Variants in DLC1 observed in about 807,000 individuals in gnomAD.
The protein encoded by DLC1 is DLC1 Rho GTPase activating protein, also known as rho GTPase-activating protein 7.
Under a neutral mutation model 140.3 loss-of-function variants are expected in DLC1, and 54 were observed. The observed-to-expected ratio is 0.38, with a 90% confidence interval of 0.31 to 0.48. The LOEUF is 0.48. Among genes scored for constraint, DLC1 ranks in the 20% least tolerant of loss-of-function variants. The probability of loss-of-function intolerance (pLI) is 0.96; values close to 1 mark genes in which losing one functional copy is unlikely to be tolerated. For missense variants in DLC1, 2,536 were observed against 1,907.0 expected, an observed-to-expected ratio of 1.33 and a Z score of -6.14; for synonymous variants, 986 against 728.1, an observed-to-expected ratio of 1.35 and a Z score of -5.70.
chr8:13,122,423 C>T (rs999057280), intron 5 of DLC1, among the ~76,000 whole-genome samples: 4 of 151,982 alleles, frequency 2.6e-5, no homozygotes, highest in Admixed American at 2.6e-4. Context: ...CTTTTTAATT[C>T]ATTTGTATAT....
rs1027667848 is a variant in DLC1, at chr8:13,513,725, T to G, written c.-126+877A>C. Among the ~76,000 whole-genome samples, 19 of 152,336 alleles carry G rather than the reference T, an allele frequency of 1.2e-4. No homozygotes were observed. The East Asian group carries it at 2.1e-3, about 17-fold the overall frequency. On this transcript the variant is annotated intron_variant, in intron 1 of 17. Transcript: ENST00000276297. ...ACTTCTTTTCTAATATATTGTACATTTAAACATTTAAGATTACCTTGAAGA... is the reference window on the plus strand; with the variant it reads ...ACTTCTTTTCTAATATATTGTACATGTAAACATTTAAGATTACCTTGAAGA...
rs1290901883 is a variant in DLC1, at chr8:13,391,906, AAAG to A, written c.1314+1644_1314+1646del. Among the ~76,000 whole-genome samples the A allele has an allele frequency of 6.7e-3, 660 of 98,492 alleles. 7 individuals are homozygous for A. The highest frequency in any genetic ancestry group is 0.026 in the African/African-American group (598 of 23,140). The allele number at this position is 98,492 out of a possible 152,430, so 64.6% of individuals were successfully genotyped here. A position where few individuals can be genotyped will look rare whatever the true frequency, so the allele number is the denominator to read the frequency against. On this transcript the variant is annotated intron_variant, in intron 4 of 17. Coordinates refer to ENST00000276297, the MANE Select transcript of DLC1 (RefSeq NM_182643.3). ...CACACCTGTCCCCAATGTTGAAAAA[AAAG>A]AAAAAGCCAATGCATCAATGATTTT...
chr8:13,326,335 T>C (rs908781616), intron 4 of DLC1, among the ~76,000 whole-genome samples: 4 of 152,250 alleles, frequency 2.6e-5, no homozygotes, highest in Non-Finnish European at 5.9e-5. Flanking sequence ...TAGACCTATA[T>C]ACCTCAGCTG....
At chr8:13,555,615 C>T (rs905829430) in intron 1 of DLC1, among the ~76,000 whole-genome samples, 5 of 152,010 alleles carry the variant, frequency 3.3e-5, no homozygotes, top group Non-Finnish European at 7.4e-5. Flanking sequence ...CCTCTGCCTC[C>T]CAAGTAGCTG....
At chr8:13,335,790 A>G (rs761699129) in intron 4 of DLC1, among the ~76,000 whole-genome samples, 4 of 152,176 alleles carry the variant, frequency 2.6e-5, no homozygotes, top group Non-Finnish European at 1.5e-5. Context: ...GCATGGGTAT[A>G]TAAAGTCTGC....
intron 1 of DLC1, among the ~76,000 whole-genome samples, chr8:13,587,923 C>G (rs542461876): frequency 5.3e-4 from 80 of 152,036 alleles, no homozygotes; most frequent in African/African-American, 1.8e-3. Context: ...AGCAATACAT[C>G]CAATATGAAA....
chr8:13,238,564 G>C (rs1693329354), intron 5 of DLC1, among the ~76,000 whole-genome samples: 1 of 117,930 alleles, frequency 8.5e-6, no homozygotes, highest in Non-Finnish European at 1.7e-5. Flanking sequence ...CCTTTGCCCT[G>C]TGGGTGTGTG....
At chr8:13,584,040 G>A (rs1459664383) in intron 1 of DLC1, 1 of 152,604 alleles carries the variant, frequency 6.6e-6, no homozygotes, top group Non-Finnish European at 1.5e-5. Context: ...GTTGAGCACT[G>A]GTAGAAAGTG....
At position 13,435,648 on chromosome 8, in the gene DLC1, G is replaced by A. The variant is rs774201374; in HGVS notation, c.1024-34029C>T. Reference sequence around the variant, plus strand: ...TTCTTGTGGATAAACAAATAAAATGGTTCTTTCAGATGGCATCTACTCCTG... The same window carrying A: ...TTCTTGTGGATAAACAAATAAAATGATTCTTTCAGATGGCATCTACTCCTG... On this transcript the variant is annotated intron_variant, in intron 2 of 17. Coordinates refer to ENST00000276297, the MANE Select transcript of DLC1 (RefSeq NM_182643.3). 5.3e-5 allele frequency among the ~76,000 whole-genome samples: 8 copies of A among 152,254 alleles called. 1 individual carries two copies. The South Asian group carries it at 1.7e-3, about 32-fold the overall frequency.
At chr8:13,264,556 T>C (rs1186396916) in intron 5 of DLC1, among the ~76,000 whole-genome samples, 1 of 152,110 alleles carries the variant, frequency 6.6e-6, no homozygotes, top group East Asian at 1.9e-4. Flanking sequence ...GATTAAACTC[T>C]AAGTTCAGGA....
chr8:13,481,276 T>C (rs975763076), intron 2 of DLC1, among the ~76,000 whole-genome samples: 6 of 151,820 alleles, frequency 4.0e-5, no homozygotes, highest in Non-Finnish European at 8.8e-5. Flanking sequence ...AAATACAAAA[T>C]CTTAACCAGG....
In DLC1 at chr8:13,489,476, G is replaced by A. The variant is rs191354862; in HGVS notation, c.1023+9573C>T. The stretch of plus-strand genomic sequence containing the variant: ...AATGTTGCTACTATTAAGAATAGCT[G>A]AAGTCACAAGGTGTTTACTATGTGT... On this transcript the variant is annotated intron_variant, in intron 2 of 17. Transcript: ENST00000276297. Among the ~76,000 whole-genome samples, 78 of 146,290 alleles carry A rather than the reference G, an allele frequency of 5.3e-4. 2 individuals carry two copies. The highest frequency in any genetic ancestry group is 4.5e-3 in the Admixed American group (65 of 14,358).
chr8:13,155,436 G>C (rs1415295073), intron 5 of DLC1, among the ~76,000 whole-genome samples: 1 of 151,528 alleles, frequency 6.6e-6, no homozygotes, highest in Admixed American at 6.6e-5. Flanking sequence ...TATAATAAAT[G>C]TTCTAGTTTA....
intron 4 of DLC1, among the ~76,000 whole-genome samples, chr8:13,338,156 G>C (rs906222291): frequency 6.6e-6 from 1 of 152,152 alleles, no homozygotes; most frequent in Non-Finnish European, 1.5e-5. Flanking sequence ...TTTGACCTTA[G>C]ATGGGACACT....
chr8:13,090,552 G>T, intron 14 of DLC1, 82 bp from the exon 15 acceptor site: 2 of 1,506,462 alleles, frequency 1.3e-6, no homozygotes, highest in Non-Finnish European at 1.8e-6. Context: ...AGACTGGGTA[G>T]GAACAATGGC....
At chr8:13,110,717 A>G (rs767913175) in intron 7 of DLC1, 25 bp downstream of exon 7, 2 of 1,599,670 alleles carry the variant, frequency 1.3e-6, no homozygotes, top group South Asian at 2.3e-5. Context: ...TAAAAAAGGA[A>G]AACACTCAAA....
chr8:13,259,079 G>C lies in DLC1; in HGVS notation c.1348+46190C>G, dbSNP rs1032659242. 2.7e-5 allele frequency among the ~76,000 whole-genome samples: 4 copies of C among 148,060 alleles called. No homozygotes were observed. The South Asian group carries it at 8.7e-4, about 32-fold the overall frequency. Reference sequence around the variant, plus strand: ...GTGAACCCGGGAGGCGGAGGTTGCAGTGAGCCGAGATCACACCATTGCACT... The same window carrying C: ...GTGAACCCGGGAGGCGGAGGTTGCACTGAGCCGAGATCACACCATTGCACT... On this transcript the variant is annotated intron_variant, in intron 5 of 17. Transcript: ENST00000276297.
chr8:13,568,764 T>C (rs530230257), intron 1 of DLC1, among the ~76,000 whole-genome samples: 1 of 152,330 alleles, frequency 6.6e-6, no homozygotes, highest in East Asian at 1.9e-4. Context: ...AGGATAGTTG[T>C]CTAACCACAT....
intron 5 of DLC1, among the ~76,000 whole-genome samples, chr8:13,261,044 G>A (rs1361550355): frequency 2.0e-5 from 3 of 152,168 alleles, no homozygotes; most frequent in East Asian, 1.9e-4. Context: ...TGTCAGGCAC[G>A]TTTCTAAGCA....
Sources: gnomAD v4.1 joint callset for allele counts (sites outside exome capture counted in the v4.1 genomes callset) on GRCh38, gnomAD v4.1.1 for gene constraint, MANE v1.5 for transcripts, NCBI Gene and HGNC (gene_info 2026-07-23, HGNC 2026-07-21) for gene names.